The following HNRNPA2B1 variants were observed in gnomAD, a reference collection of about 807,000 sequenced individuals.
HNRNPA2B1 encodes the protein heterogeneous nuclear ribonucleoprotein A2/B1.
A neutral mutation model predicts 46.3 loss-of-function variants in HNRNPA2B1; 3 were observed. The observed-to-expected ratio is 0.06, with a 90% CI of 0.03 to 0.17. The LOEUF (loss-of-function observed/expected upper bound fraction) is 0.17. HNRNPA2B1 is among the 10% of genes least tolerant of loss of function. The pLI, the probability that HNRNPA2B1 is intolerant of heterozygous loss-of-function variation, is 1.00. For missense variants in HNRNPA2B1, 221 were observed against 418.9 expected (o/e 0.53, Z 4.12); for synonymous variants, 225 against 133.8 (o/e 1.68, Z -4.70).
chr7:26,196,512 C>G (rs1783657680), intron 5 of HNRNPA2B1, 31 bp from the exon 6 acceptor site: 2 of 1,612,902 alleles, frequency 1.2e-6, no homozygotes, highest in Admixed American at 1.7e-5. Flanking sequence ...AGAAGCAAGC[C>G]CTTATATATG....
intron 1 of HNRNPA2B1, 90 bp downstream of exon 1, chr7:26,200,482 C>G (rs781622634): frequency 2.6e-5 from 35 of 1,331,308 alleles, no homozygotes; most frequent in Non-Finnish European, 3.2e-5. Context: ...TCCTGCCTCT[C>G]TCCCACGGAG....
chr7:26,192,524 G>T lies in HNRNPA2B1; in HGVS notation c.1018C>A (p.Arg340=). The change falls in exon 10 of 11, where the codon CGA becomes AGA. Residue 340 remains arginine (R), a synonymous_variant. Coordinates refer to ENST00000618183, the MANE Select transcript of HNRNPA2B1 (RefSeq NM_002137.4). ...GGSGGYGGRS[R]Y is the part of the protein sequence containing the mutation. Reference sequence around the variant, plus strand: ...GGCAAATAGGAAGAAGCTCAGTATCGGCTCCTCCCACCATAACCCCCACTT... The same window carrying T: ...GGCAAATAGGAAGAAGCTCAGTATCTGCTCCTCCCACCATAACCCCCACTT... The T allele has an allele frequency of 6.2e-7, 1 of 1,613,110 alleles. No individual in the cohort carries two copies. The highest frequency in any genetic ancestry group is 8.5e-7 in the Non-Finnish European group (1 of 1,179,140).
chr7:26,199,968 C>G (rs1296236820), intron 1 of HNRNPA2B1: 2 of 154,070 alleles, frequency 1.3e-5, no homozygotes, highest in African/African-American at 4.8e-5. Context: ...GCGCAGGACT[C>G]TAAAGATCCA....
At chr7:26,198,428 TA>T (rs1373284463) in intron 1 of HNRNPA2B1, 1 of 152,484 alleles carries the variant, frequency 6.6e-6, no homozygotes, top group Admixed American at 6.5e-5. Flanking sequence ...ACTCGAAGCT[TA>T]AAAAGTTTAA....
At chr7:26,193,817 A>C (rs533171854) in intron 7 of HNRNPA2B1, 123 bp from the exon 8 acceptor site, 2 of 873,852 alleles carry the variant, frequency 2.3e-6, no homozygotes, top group Non-Finnish European at 3.5e-6. Flanking sequence ...ATTCCTCTAA[A>C]ATAGCTTCAA....
intron 1 of HNRNPA2B1, chr7:26,198,425 G>A (rs934059006): frequency 2.0e-5 from 3 of 152,334 alleles, no homozygotes; most frequent in African/African-American, 7.2e-5. Flanking sequence ...AGCACTCGAA[G>A]CTTAAAAAGT....
chr7:26,198,041 TTC>T, intron 1 of HNRNPA2B1: 1 of 439,628 alleles, frequency 2.3e-6, no homozygotes, highest in Non-Finnish European at 4.0e-6. Context: ...AAAAAAAACT[TTC>T]TAAGGAAAAA....
intron 3 of HNRNPA2B1, 97 bp from the exon 4 acceptor site, chr7:26,197,114 C>CT: frequency 9.0e-7 from 1 of 1,116,270 alleles, no homozygotes; most frequent in Non-Finnish European, 1.3e-6. Flanking sequence ...TTGTATCCAC[C>CT]TTAAAACTAC....
chr7:26,195,932 T>A (rs770137528), intron 6 of HNRNPA2B1, 23 bp from the exon 7 acceptor site: 2 of 1,595,132 alleles, frequency 1.3e-6, no homozygotes, highest in Admixed American at 1.9e-5. Context: ...AAAAAAAGAT[T>A]ACGTTTACTA....
rs1017270009 is a variant in HNRNPA2B1 at position 26,190,391 on chromosome 7, G to T, written c.*1969C>A. On this transcript the variant is annotated 3_prime_UTR_variant, in exon 11 of 11. Transcript: ENST00000618183. ...ACAAGAACTACTTTCAGATGGTACAGAATTTCTTATTTCTTGAAGACTCTG... is the reference window on the plus strand; with the variant it reads ...ACAAGAACTACTTTCAGATGGTACATAATTTCTTATTTCTTGAAGACTCTG... 6.6e-6 allele frequency: 1 copy of T among 152,578 alleles called. No individual in the cohort carries two copies. The highest frequency in any genetic ancestry group is 1.5e-5 in the Non-Finnish European group (1 of 68,012). 9.5% of individuals were successfully genotyped at this position (152,578 alleles called of 1,614,324 possible).
At chr7:26,197,184 G>C (rs968926869) in intron 3 of HNRNPA2B1, 131 bp downstream of exon 3, 1 of 1,214,812 alleles carries the variant, frequency 8.2e-7, no homozygotes, top group Admixed American at 2.3e-5. Flanking sequence ...TTAAGAAAAT[G>C]GTCCAGAAAC....
rs1278511455 is a variant in HNRNPA2B1 at position 26,191,809 on chromosome 7, A to C, written c.*551T>G. 6.6e-6 allele frequency: 1 copy of C among 152,582 alleles called. No homozygotes were observed. Among genetic ancestry groups the C allele is most frequent in the Non-Finnish European group, 1.5e-5 (1 of 68,016 alleles). The allele number at this position is 152,582 out of a possible 1,614,324, so 9.5% of individuals were successfully genotyped here. A position where few individuals can be genotyped will look rare whatever the true frequency, so the allele number is the denominator to read the frequency against. On this transcript the variant is annotated 3_prime_UTR_variant, in exon 11 of 11. Coordinates refer to ENST00000618183, the MANE Select transcript of HNRNPA2B1 (RefSeq NM_002137.4). ...ACCTTAATTATACTACCCACTCCTTAACTTATTTAAAATAAAAAGTCTATA... is the reference window on the plus strand; with the variant it reads ...ACCTTAATTATACTACCCACTCCTTCACTTATTTAAAATAAAAAGTCTATA...
At position 26,196,727 on chromosome 7, in the gene HNRNPA2B1, T is replaced by C. The variant is rs1783686238; in HGVS notation, c.476-69A>G. 1.3e-6 allele frequency: 2 copies of C among 1,567,328 alleles called. 1 individual carries two copies. Among genetic ancestry groups the C allele is most frequent in the Middle Eastern group, 3.4e-4 (2 of 5,936 alleles). ...ATTAAGCAGCTTCAAAAGTTTACCTTTCAATAAAGTTACAGATGTTAACAT... is the reference window on the plus strand; with the variant it reads ...ATTAAGCAGCTTCAAAAGTTTACCTCTCAATAAAGTTACAGATGTTAACAT... On this transcript the variant is annotated intron_variant, in intron 4 of 10. Coordinates refer to ENST00000618183, the MANE Select transcript of HNRNPA2B1 (RefSeq NM_002137.4).
chr7:26,199,456 G>GTA (rs1784089037), intron 1 of HNRNPA2B1: 1 of 152,242 alleles, frequency 6.6e-6, no homozygotes, highest in African/African-American at 2.4e-5. Context: ...TTTAATCGAA[G>GTA]TATAACTAAG....
Position 26,196,919 on chromosome 7 carries a change from C to T in HNRNPA2B1, c.363G>A (p.Glu121=), listed in dbSNP as rs1583992454. ...CAATGGTATCAATTTTTCCATATTC[C>T]TCAAAGTAATCTCTAAGGTGATGTT... The part of the protein sequence containing the change: ...TEEHHLRDYF[E]EYGKIDTIEI... The change falls in exon 4 of 11, where the codon GAG becomes GAA. Residue 121 remains glutamate, a synonymous_variant. Coordinates refer to ENST00000618183, the MANE Select transcript of HNRNPA2B1 (RefSeq NM_002137.4). 1 of 1,613,654 alleles carries T rather than the reference C, an allele frequency of 6.2e-7. No homozygotes were observed. Among genetic ancestry groups the T allele is most frequent in the Non-Finnish European group, 8.5e-7 (1 of 1,179,676 alleles).
chr7:26,200,345 C>G (rs908209880), intron 1 of HNRNPA2B1: 1 of 598,902 alleles, frequency 1.7e-6, no homozygotes, highest in African/African-American at 1.8e-5. Flanking sequence ...GCTCCCCATC[C>G]CCCACCCCCA....
At chr7:26,196,346 CAT>C (rs1783635285) in intron 6 of HNRNPA2B1, 53 bp downstream of exon 6, 1 of 1,392,636 alleles carries the variant, frequency 7.2e-7, no homozygotes, top group African/African-American at 1.4e-5. Flanking sequence ...AAAACCTAAT[CAT>C]ATTTAAAATA....
chr7:26,199,869 G>A (rs563840184), intron 1 of HNRNPA2B1: 5 of 152,072 alleles, frequency 3.3e-5, no homozygotes, highest in East Asian at 1.9e-4. Flanking sequence ...CGCAAACCCG[G>A]AGCACCCCCC....
At chr7:26,199,500 T>C (rs1275517733) in intron 1 of HNRNPA2B1, 3 of 152,224 alleles carry the variant, frequency 2.0e-5, no homozygotes, top group African/African-American at 4.8e-5. Flanking sequence ...CTCGTAATCA[T>C]CTATAAAGGT....
Sources: allele counts gnomAD v4.1 joint callset, GRCh38; gene constraint gnomAD v4.1.1; transcripts MANE v1.5; gene names NCBI Gene and HGNC (gene_info 2026-07-23, HGNC 2026-07-21).